The following AGMO variants were observed in gnomAD, a reference collection of about 807,000 sequenced individuals.
The protein encoded by AGMO is glyceryl-ether monooxygenase.
Under a neutral mutation model 60.2 loss-of-function variants are expected in AGMO, and 75 were observed. The observed-to-expected ratio is 1.25, with a 90% CI of 1.03 to 1.51. AGMO has a LOEUF of 1.51. Ranked by LOEUF, AGMO falls within the 40% of genes most tolerant of loss-of-function variation. The probability of loss-of-function intolerance (pLI) is 0.00; values close to 1 mark genes in which losing one functional copy is unlikely to be tolerated. For missense variants in AGMO, 763 were observed against 525.5 expected, an observed-to-expected ratio of 1.45 and a Z score of -4.42; for synonymous variants, 261 against 177.1, an observed-to-expected ratio of 1.47 and a Z score of -3.76.
At chr7:15,537,918 T>C (rs1470216725) in intron 3 of AGMO, among the ~76,000 whole-genome samples, 1 of 152,070 alleles carries the variant, frequency 6.6e-6, no homozygotes, top group Non-Finnish European at 1.5e-5. Context: ...TTCATACATA[T>C]TTTAAGTGCT....
chr7:15,294,337 G>C (rs1053934981), intron 12 of AGMO, among the ~76,000 whole-genome samples: 10 of 151,552 alleles, frequency 6.6e-5, no homozygotes, highest in Non-Finnish European at 1.2e-4. Context: ...AATATTTCTG[G>C]AGGTCCTTAA....
rs1467922405 is a variant in AGMO at position 15,354,339 on chromosome 7, T to TAC, written c.1263+11173_1263+11174dup. 5.1e-3 allele frequency among the ~76,000 whole-genome samples: 357 copies of TAC among 70,688 alleles called. 40 individuals carry two copies. Among genetic ancestry groups the TAC allele is most frequent in the East Asian group, 0.014 (24 of 1,726 alleles). 46.4% of individuals were successfully genotyped at this position (70,688 alleles called of 152,430 possible). A position where few individuals can be genotyped will look rare whatever the true frequency, so the allele number is the denominator to read the frequency against. On this transcript the variant is annotated intron_variant, in intron 12 of 12. Transcript: ENST00000342526. The stretch of plus-strand genomic sequence containing the variant: ...GCGTGTATATACGTACGCGTGTATA[T>TAC]ACACGCGTGTATATAGACGTGTGTA...
At chr7:15,342,465 C>T (rs1781886659) in intron 12 of AGMO, among the ~76,000 whole-genome samples, 2 of 151,512 alleles carry the variant, frequency 1.3e-5, no homozygotes, top group African/African-American at 4.9e-5. Context: ...GTAAACTCCC[C>T]ACCCATCCCA....
Position 15,230,877 on chromosome 7 carries a change from A to G in AGMO, c.1264-29518T>C, listed in dbSNP as rs77923321. ...ACCTCTGCTCATCCCATTGGCCCTCAAACTGTGTGTCCTTCCATGGGGGAA... is the reference window on the plus strand; with the variant it reads ...ACCTCTGCTCATCCCATTGGCCCTCGAACTGTGTGTCCTTCCATGGGGGAA... On this transcript the variant is annotated intron_variant, in intron 12 of 12. Coordinates refer to ENST00000342526, the MANE Select transcript of AGMO (RefSeq NM_001004320.2). Among the ~76,000 whole-genome samples, 437 of 152,244 alleles carry G rather than the reference A, an allele frequency of 2.9e-3. 2 individuals are homozygous for G. Among genetic ancestry groups the G allele is most frequent in the African/African-American group, 0.01 (421 of 41,560 alleles).
intron 3 of AGMO, among the ~76,000 whole-genome samples, chr7:15,528,301 A>C (rs2128539411): frequency 6.6e-6 from 1 of 152,244 alleles, no homozygotes; most frequent in East Asian, 1.9e-4. Flanking sequence ...GTATAAGCAT[A>C]AATTTTATAT....
chr7:15,326,356 A>G (rs1781339376), intron 12 of AGMO, among the ~76,000 whole-genome samples: 1 of 152,150 alleles, frequency 6.6e-6, no homozygotes, highest in Admixed American at 6.5e-5. Context: ...TGTTTTTTAG[A>G]ATATAGCGTC....
chr7:15,223,364 T>C (rs1396395438), intron 12 of AGMO, among the ~76,000 whole-genome samples: 11 of 151,978 alleles, frequency 7.2e-5, no homozygotes, highest in Middle Eastern at 3.2e-3. Flanking sequence ...AGTGATATCA[T>C]TGCATTATAT....
rs540460085 is a variant in AGMO, at chr7:15,310,682, T to A, written c.1263+54832A>T. On this transcript the variant is annotated intron_variant, in intron 12 of 12. Coordinates refer to ENST00000342526, the MANE Select transcript of AGMO (RefSeq NM_001004320.2). ...TTTCTGGTAAGGCAGAGTATACTAT[T>A]ATCCTATTGCTGCTGTTTCAAATAG... is the stretch of plus-strand genomic sequence containing the variant. 2.0e-5 allele frequency among the ~76,000 whole-genome samples: 3 copies of A among 152,328 alleles called. No individual in the cohort carries two copies. In the South Asian group the frequency reaches 6.2e-4, roughly 32 times the overall value.
chr7:15,356,795 C>G (rs1782547945), intron 12 of AGMO, among the ~76,000 whole-genome samples: 1 of 151,470 alleles, frequency 6.6e-6, no homozygotes, highest in African/African-American at 2.4e-5. Context: ...CTTATAAATG[C>G]AAACTTTGTA....
At chr7:15,344,550 T>G (rs1250075913) in intron 12 of AGMO, among the ~76,000 whole-genome samples, 1 of 151,928 alleles carries the variant, frequency 6.6e-6, no homozygotes, top group Admixed American at 6.6e-5. Flanking sequence ...ATACAAAAAT[T>G]AGCCAGGCAT....
chr7:15,317,907 G>GTATATATATATACACACACGTA (rs1157130766), intron 12 of AGMO, among the ~76,000 whole-genome samples: 1 of 120,640 alleles, frequency 8.3e-6, no homozygotes, highest in Admixed American at 8.7e-5. Flanking sequence ...ACACACACAC[G>GTATATATATATACACACACGTA]TATATATATA....
At chr7:15,514,681 G>A (rs1783763377) in intron 3 of AGMO, among the ~76,000 whole-genome samples, 1 of 152,160 alleles carries the variant, frequency 6.6e-6, no homozygotes, top group African/African-American at 2.4e-5. Context: ...ATCGTCATAT[G>A]CATAACTACT....
chr7:15,357,214 TG>T (rs1365733735), intron 12 of AGMO, among the ~76,000 whole-genome samples: 1 of 151,422 alleles, frequency 6.6e-6, no homozygotes, highest in Non-Finnish European at 1.5e-5. Context: ...TGTGTGTGTG[TG>T]TGTGTGTGTG....
At chr7:15,449,232 T>C (rs1298068660) in intron 3 of AGMO, among the ~76,000 whole-genome samples, 1 of 152,188 alleles carries the variant, frequency 6.6e-6, no homozygotes, top group Admixed American at 6.5e-5. Flanking sequence ...GAGACTTGAT[T>C]GACCAAGTTA....
intron 5 of AGMO, among the ~76,000 whole-genome samples, chr7:15,409,223 C>G (rs4721436): frequency 0.096 from 14,574 of 151,972 alleles, 838 homozygotes; most frequent in South Asian, 0.15. Flanking sequence ...GTAAATGTGG[C>G]TAAAGTATGC....
At chr7:15,136,018 A>AGTTTTG in the AGMO span, among the ~76,000 whole-genome samples, 1 of 44,758 alleles carries the variant, frequency 2.2e-5, no homozygotes, top group Admixed American at 3.2e-4. Context: ...TTTGAGACGG[A>AGTTTTG]GTTTTGCTCT....
chr7:15,264,188 A>G (rs1002954508), intron 12 of AGMO, among the ~76,000 whole-genome samples: 12 of 152,026 alleles, frequency 7.9e-5, no homozygotes, highest in Non-Finnish European at 1.3e-4. Context: ...CAATTAAAAA[A>G]CAACCTTTTA....
intron 12 of AGMO, among the ~76,000 whole-genome samples, chr7:15,342,121 T>C (rs1349223509): frequency 1.5e-5 from 2 of 137,248 alleles, no homozygotes; most frequent in African/African-American, 2.9e-5. Context: ...TTTAAACTCA[T>C]GTGACTGGGT....
At chr7:15,342,045 G>A (rs969189721) in intron 12 of AGMO, among the ~76,000 whole-genome samples, 1 of 151,878 alleles carries the variant, frequency 6.6e-6, no homozygotes, top group South Asian at 2.1e-4. Context: ...CGCCATGAAT[G>A]CTCACTTTGC....
Sources: gnomAD v4.1 joint callset for allele counts (sites outside exome capture counted in the v4.1 genomes callset) on GRCh38, gnomAD v4.1.1 for gene constraint, MANE v1.5 for transcripts, NCBI Gene and HGNC (gene_info 2026-07-23, HGNC 2026-07-21) for gene names.